The following ANKDD1B variants were observed in gnomAD, a reference collection of about 807,000 sequenced individuals.
ANKDD1B encodes the protein ankyrin repeat and death domain-containing protein 1B.
Under a neutral mutation model 59.7 loss-of-function variants are expected in ANKDD1B, and 57 were observed. The observed-to-expected ratio is 0.95, with a 90% CI of 0.77 to 1.19. The LOEUF is 1.19. Among genes scored for constraint, ANKDD1B ranks in the 50% most tolerant of loss-of-function variants. The pLI is 0.00. For missense variants in ANKDD1B, 602 were observed against 641.9 expected (o/e 0.94, Z 0.67); for synonymous variants, 216 against 239.5 (o/e 0.90, Z 0.91).
chr5:75,638,953 G>A (rs927166129), intron 7 of ANKDD1B, among the ~76,000 whole-genome samples: 1 of 152,188 alleles, frequency 6.6e-6, no homozygotes, highest in African/African-American at 2.4e-5. Context: ...TGCTGTCACA[G>A]ACCTCTTTGT....
chr5:75,645,276 C>A (rs1290422012), intron 7 of ANKDD1B, among the ~76,000 whole-genome samples: 2 of 119,886 alleles, frequency 1.7e-5, no homozygotes, highest in Non-Finnish European at 3.1e-5. Context: ...AATAGAGACA[C>A]AGAAAACCCT....
chr5:75,629,039 G>C (rs1774071231), intron 5 of ANKDD1B, among the ~76,000 whole-genome samples: 1 of 152,100 alleles, frequency 6.6e-6, no homozygotes, highest in Non-Finnish European at 1.5e-5. Flanking sequence ...GACTTCCATT[G>C]GTTTAAAGTC....
At chr5:75,649,389 T>C (rs1216153906) in intron 7 of ANKDD1B, among the ~76,000 whole-genome samples, 2 of 152,198 alleles carry the variant, frequency 1.3e-5, no homozygotes, top group Non-Finnish European at 2.9e-5. Context: ...GAATATTACA[T>C]TTAACAATCA....
intron 7 of ANKDD1B, among the ~76,000 whole-genome samples, chr5:75,639,493 G>A (rs1385262096): frequency 6.6e-6 from 1 of 152,126 alleles, no homozygotes; most frequent in Non-Finnish European, 1.5e-5. Context: ...CACTGCACCC[G>A]GCGGAGAAAT....
intron 7 of ANKDD1B, among the ~76,000 whole-genome samples, chr5:75,645,293 A>G (rs1774612639): frequency 8.4e-6 from 1 of 118,498 alleles, no homozygotes; most frequent in Non-Finnish European, 1.6e-5. Context: ...CCCTTCAAAA[A>G]ATCAATGAAT....
Position 75,671,686 on chromosome 5 carries a change from G to A in ANKDD1B, c.*646G>A, listed in dbSNP as rs994121064. On this transcript the variant is annotated 3_prime_UTR_variant, in exon 14 of 14. Coordinates refer to ENST00000601380, the MANE Select transcript of ANKDD1B (RefSeq NM_001276713.2). Reference sequence around the variant, plus strand: ...ATATATTACTTAGGAAAGACCAGAAGTATGTACACCATTTTTTTTTTTTTT... The same window carrying A: ...ATATATTACTTAGGAAAGACCAGAAATATGTACACCATTTTTTTTTTTTTT... 4.8e-5 allele frequency: 7 copies of A among 145,724 alleles called. No individual in the cohort carries two copies. Among genetic ancestry groups the A allele is most frequent in the Non-Finnish European group, 8.9e-5 (6 of 67,376 alleles). The allele number at this position is 145,724 out of a possible 1,614,324, so 9.0% of individuals were successfully genotyped here.
chr5:75,649,954 A>G (rs1774785556), intron 7 of ANKDD1B, among the ~76,000 whole-genome samples: 1 of 152,210 alleles, frequency 6.6e-6, no homozygotes, highest in South Asian at 2.1e-4. Flanking sequence ...CACTATCTAA[A>G]ATAGTGCCTG....
At position 75,611,743 on chromosome 5, in the gene ANKDD1B, G is replaced by T. The variant is rs1232287666; in HGVS notation, c.109G>T (p.Ala37Ser). Residue 37 changes from alanine (A) to serine (S), a missense_variant, in exon 1 of 14, where the codon GCC becomes TCC. Around this residue, in one of 3 missense-constraint regions of ANKDD1B, gnomAD observed 317 missense variants for 304.6 expected, o/e 1.04. Transcript: ENST00000601380. The part of the protein sequence containing the change: ...GLREDLWGAA[A>S]LPWRSLSRIP... Reference sequence around the variant, plus strand: ...CAGGGAAGACCTGTGGGGCGCGGCCGCCCTGCCTTGGAGGAGCCTGTCCCG... The same window carrying T: ...CAGGGAAGACCTGTGGGGCGCGGCCTCCCTGCCTTGGAGGAGCCTGTCCCG... 15 of 1,231,876 alleles carry T rather than the reference G, an allele frequency of 1.2e-5. No individual in the cohort carries two copies. The East Asian group carries it at 2.5e-4, about 21-fold the overall frequency. The allele number at this position is 1,231,876 out of a possible 1,614,324, so 76.3% of individuals were successfully genotyped here.
In ANKDD1B at chr5:75,620,379, T is replaced by A; in HGVS notation, c.362T>A (p.Leu121His). 6.5e-7 allele frequency: 1 copy of A among 1,535,522 alleles called. No individual in the cohort carries two copies. The highest frequency in any genetic ancestry group is 8.7e-7 in the Non-Finnish European group (1 of 1,146,376). ...CATTTATCTGCAGTGGATTTCTTGC[T>A]TAAACACAAGGCCAGGGTGGATGTT... ...RNHLSAVDFL[L>H]KHKARVDVAD... is the part of the protein sequence containing the mutation. The change falls in exon 3 of 14, where the codon CTT becomes CAT. Residue 121 changes from leucine to histidine, a missense_variant. By Grantham distance (99) the Leu-to-His change is moderately conservative. Transcript: ENST00000601380.
At chr5:75,663,124 A>G (rs1775203146) in intron 10 of ANKDD1B, among the ~76,000 whole-genome samples, 1 of 152,222 alleles carries the variant, frequency 6.6e-6, no homozygotes, top group Non-Finnish European at 1.5e-5. Context: ...ACCATTGGCC[A>G]GAACTTAGGT....
At chr5:75,661,899 A>ATT (rs35120763) in intron 10 of ANKDD1B, among the ~76,000 whole-genome samples, 44,221 of 92,956 alleles carry the variant, frequency 0.48, 11,020 homozygotes, top group Middle Eastern at 0.58. Flanking sequence ...GGCTCCCACA[A>ATT]TTTTTTTTTT....
rs116725548 is a variant in ANKDD1B at position 75,662,358 on chromosome 5, G to A, written c.1096-1036G>A. Among the ~76,000 whole-genome samples, 958 of 152,084 alleles carry A rather than the reference G, an allele frequency of 6.3e-3. 14 individuals are homozygous for A. The highest frequency in any genetic ancestry group is 0.022 in the African/African-American group (919 of 41,468). On this transcript the variant is annotated intron_variant, in intron 10 of 13. Transcript: ENST00000601380. Reference sequence around the variant, plus strand: ...CAGCCCTAATTTTCCTGCTCCCCTGGGTCTTAGTGCCTAGACTAAGAACCA... The same window carrying A: ...CAGCCCTAATTTTCCTGCTCCCCTGAGTCTTAGTGCCTAGACTAAGAACCA...
At chr5:75,640,602 T>C (rs1488471754) in intron 7 of ANKDD1B, among the ~76,000 whole-genome samples, 3 of 152,248 alleles carry the variant, frequency 2.0e-5, no homozygotes, top group Non-Finnish European at 2.9e-5. Flanking sequence ...TTCCTTTTGT[T>C]GGAATGGAGA....
chr5:75,632,680 A>C (rs1381805417), intron 5 of ANKDD1B, among the ~76,000 whole-genome samples: 2 of 152,044 alleles, frequency 1.3e-5, no homozygotes, highest in African/African-American at 4.8e-5. Context: ...TGCATTACCA[A>C]CCTTTAAAGG....
rs1012707441 is a variant in ANKDD1B, at chr5:75,671,020, A to T, written c.1567A>T (p.Lys523Ter). The T allele has an allele frequency of 3.3e-6, 4 of 1,228,914 alleles. No homozygotes were observed. In the African/African-American group the frequency reaches 6.2e-5, roughly 19 times the overall value. The allele number at this position is 1,228,914 out of a possible 1,614,324, so 76.1% of individuals were successfully genotyped here. A position where few individuals can be genotyped will look rare whatever the true frequency, so the allele number is the denominator to read the frequency against. Reference protein sequence around the residue: ...HFKSKTDSNSKKCVVS With the variant: ...HFKSKTDSNS ...CAAAAGCAAAACTGACTCAAACTCC[A>T]AGAAATGTGTAGTTTCATAAATGCC... The change falls in exon 14 of 14, where the codon AAG becomes TAG. Residue 523 changes from lysine (K) to a stop codon, truncating the protein, a stop_gained. Coordinates refer to ENST00000601380, the MANE Select transcript of ANKDD1B (RefSeq NM_001276713.2). LOFTEE classifies it high-confidence loss of function.
intron 1 of ANKDD1B, among the ~76,000 whole-genome samples, chr5:75,613,144 T>C (rs1773615584): frequency 6.6e-6 from 1 of 152,188 alleles, no homozygotes; most frequent in Non-Finnish European, 1.5e-5. Context: ...GTGGGAAAGA[T>C]GTCTGATTAG....
At chr5:75,642,801 GACAA>G (rs1774517472) in intron 7 of ANKDD1B, among the ~76,000 whole-genome samples, 1 of 62,688 alleles carries the variant, frequency 1.6e-5, no homozygotes, top group Non-Finnish European at 2.9e-5. Flanking sequence ...GCAGGGCACA[GACAA>G]ACAAAAAGAC....
intron 12 of ANKDD1B, among the ~76,000 whole-genome samples, chr5:75,668,914 C>T (rs551377708): frequency 6.6e-6 from 1 of 152,258 alleles, no homozygotes; most frequent in Non-Finnish European, 1.5e-5. Flanking sequence ...TAGTAAGATA[C>T]CCAGGTGAAA....
chr5:75,614,852 C>G (rs1773672816), intron 1 of ANKDD1B, among the ~76,000 whole-genome samples: 1 of 152,132 alleles, frequency 6.6e-6, no homozygotes, highest in African/African-American at 2.4e-5. Context: ...AGAAACAAAG[C>G]AAGTAGCAGT....
Sources: gnomAD v4.1 joint callset for allele counts (sites outside exome capture counted in the v4.1 genomes callset) on GRCh38, gnomAD v4.1.1 for gene constraint, gnomAD v4.1.1 regional missense constraint, MANE v1.5 for transcripts, NCBI Gene and HGNC (gene_info 2026-07-23, HGNC 2026-07-21) for gene names.